AACS: variants seen among roughly 807,000 people sequenced by gnomAD.
AACS encodes acetoacetate-CoA ligase.
AACS carries 69 observed loss-of-function variants against 83.1 expected under a neutral mutation model. The observed-to-expected ratio is 0.83, with a 90% CI of 0.68 to 1.01. The LOEUF (loss-of-function observed/expected upper bound fraction) is 1.01, where lower values mean the gene tolerates loss of function less well. AACS is among the 50% of genes least tolerant of loss of function. The pLI is 0.00. For missense variants in AACS, 866 were observed against 882.2 expected (o/e 0.98, Z 0.23); for synonymous variants, 333 against 343.4 (o/e 0.97, Z 0.33).
chr12:125,136,639 T>A (rs1957404575), intron 16 of AACS, 23 bp from the exon 17 acceptor site: 1 of 1,609,284 alleles, frequency 6.2e-7, no homozygotes, highest in East Asian at 2.2e-5. Flanking sequence ...TGCGTGAATG[T>A]GCACCCTCTC....
intron 3 of AACS, 151 bp downstream of exon 3, chr12:125,076,762 C>G: frequency 7.7e-7 from 1 of 1,300,818 alleles, no homozygotes; most frequent in Non-Finnish European, 1.0e-6. Flanking sequence ...TTTATTTTTG[C>G]TGGGGAGGGG....
At chr12:125,079,759 G>A (rs773451992) in intron 3 of AACS, among the ~76,000 whole-genome samples, 1 of 152,010 alleles carries the variant, frequency 6.6e-6, no homozygotes, top group Non-Finnish European at 1.5e-5. Context: ...GCAGCTCAGT[G>A]GTTTTTAGCA....
chr12:125,067,071 C>T (rs1955721356), intron 1 of AACS, among the ~76,000 whole-genome samples: 1 of 152,230 alleles, frequency 6.6e-6, no homozygotes, highest in Non-Finnish European at 1.5e-5. Flanking sequence ...TACTTTGTCA[C>T]TCCTTGGCTC....
intron 3 of AACS, among the ~76,000 whole-genome samples, chr12:125,081,032 A>G (rs1290771998): frequency 7.5e-6 from 1 of 133,794 alleles, no homozygotes; most frequent in Admixed American, 7.3e-5. Flanking sequence ...TCGTTCTGTC[A>G]CCCAGGCTGG....
chr12:125,085,458 C>A (rs1956315346), intron 3 of AACS, among the ~76,000 whole-genome samples: 1 of 152,208 alleles, frequency 6.6e-6, no homozygotes. Context: ...GTGCACGTTG[C>A]ATCCACGTGT....
chr12:125,118,603 T>C, intron 9 of AACS, 38 bp from the exon 10 acceptor site: 1 of 1,611,840 alleles, frequency 6.2e-7, no homozygotes. Flanking sequence ...GGGAGCTGCC[T>C]AGCGCCCGCT....
intron 4 of AACS, among the ~76,000 whole-genome samples, chr12:125,088,163 G>T (rs921592369): frequency 2.0e-5 from 3 of 151,872 alleles, no homozygotes; most frequent in African/African-American, 4.8e-5. Flanking sequence ...GCACCTAGCA[G>T]CATCTAAGAA....
intron 10 of AACS, chr12:125,124,504 G>A: frequency 3.3e-6 from 2 of 610,386 alleles, no homozygotes; most frequent in Non-Finnish European, 5.8e-6. Context: ...TGAAATCAGT[G>A]TAAAGAGCAG....
Position 125,140,183 on chromosome 12 carries a change from A to G in AACS, c.1882-1909A>G, listed in dbSNP as rs1224428647. The G allele has an allele frequency of 4.0e-5, 6 of 151,448 alleles. No homozygotes were observed. 9.4% of individuals were successfully genotyped at this position (151,448 alleles called of 1,614,324 possible). A position where few individuals can be genotyped will look rare whatever the true frequency, so the allele number is the denominator to read the frequency against. On this transcript the variant is annotated intron_variant, in intron 17 of 17. Coordinates refer to ENST00000316519, the MANE Select transcript of AACS (RefSeq NM_023928.5). This position sits in a 1 kb window ranked among gnomAD's most constrained non-coding sequence, Gnocchi z 5.1. ...AGTCCAGCGGGCCTTTGCTCGGGTC[A>G]TGGCTGGGATGTCTGGCCCTTCCTG... is the stretch of plus-strand genomic sequence containing the variant.
chr12:125,095,996 ACT>A (rs1231578688), intron 5 of AACS, among the ~76,000 whole-genome samples: 2 of 151,900 alleles, frequency 1.3e-5, no homozygotes, highest in African/African-American at 4.8e-5. Context: ...ACGGAGTCTC[ACT>A]CTGTCTCCCA....
At chr12:125,124,393 G>T in intron 10 of AACS, 1 of 315,602 alleles carries the variant, frequency 3.2e-6, no homozygotes. Flanking sequence ...GCCTCCTTTG[G>T]TCCCCCAAGA....
chr12:125,142,310 A>G lies in AACS; in HGVS notation c.*81A>G. The G allele has an allele frequency of 3.8e-6, 6 of 1,559,142 alleles. No individual in the cohort carries two copies. In the Admixed American group the frequency reaches 1.1e-4, roughly 29 times the overall value. On this transcript the variant is annotated 3_prime_UTR_variant, in exon 18 of 18. Transcript: ENST00000316519. ...TGCTCAAGAAATTATACAGAAACCTACAGCTGTTGTAAAAGGATGCTCGCA... is the reference window on the plus strand; with the variant it reads ...TGCTCAAGAAATTATACAGAAACCTGCAGCTGTTGTAAAAGGATGCTCGCA...
chr12:125,097,203 A>G lies in AACS; in HGVS notation c.571-5476A>G, dbSNP rs192464498. On this transcript the variant is annotated intron_variant, in intron 5 of 17. Transcript: ENST00000316519. This position sits in a 1 kb window ranked among gnomAD's most constrained non-coding sequence, Gnocchi z 4.3. ...GGGGCACCATTTTGGGGCTTTCTGC[A>G]ACCACCTCTGTGTAGCAGTTTAGAG... Among the ~76,000 whole-genome samples, 320 of 152,156 alleles carry G rather than the reference A, an allele frequency of 2.1e-3. 2 individuals carry two copies. The highest frequency in any genetic ancestry group is 6.9e-3 in the African/African-American group (288 of 41,528).
chr12:125,084,209 C>G (rs1286771776), intron 3 of AACS, among the ~76,000 whole-genome samples: 1 of 151,596 alleles, frequency 6.6e-6, no homozygotes, highest in African/African-American at 2.4e-5. Context: ...TCCCAGCTAA[C>G]TGGGAGGCTG....
chr12:125,108,570 C>T (rs546571076), intron 8 of AACS, among the ~76,000 whole-genome samples: 5 of 152,210 alleles, frequency 3.3e-5, no homozygotes, highest in Non-Finnish European at 7.4e-5. Flanking sequence ...CTTATTTCAC[C>T]GAAAGTCTAA....
At chr12:125,128,662 C>G (rs985927441) in intron 13 of AACS, 5 of 167,058 alleles carry the variant, frequency 3.0e-5, no homozygotes, top group Non-Finnish European at 6.4e-5. Context: ...AGAAATCCAG[C>G]TGTGCTAGGA....
At chr12:125,138,467 A>C (rs1407880585) in intron 17 of AACS, 1 of 152,206 alleles carries the variant, frequency 6.6e-6, no homozygotes, top group African/African-American at 2.4e-5. Flanking sequence ...TCAGTGAATC[A>C]GTGCTGTCTT....
intron 9 of AACS, among the ~76,000 whole-genome samples, chr12:125,116,769 G>A (rs563919741): frequency 4.1e-4 from 63 of 151,866 alleles, no homozygotes; most frequent in Admixed American, 2.0e-3. Context: ...CCGGCCTCCC[G>A]ACCTGGGTTC....
chr12:125,066,491 C>G (rs1955701425), intron 1 of AACS, among the ~76,000 whole-genome samples: 1 of 147,530 alleles, frequency 6.8e-6, no homozygotes, highest in Non-Finnish European at 1.5e-5. Flanking sequence ...CTCTCGTTGC[C>G]CAGGCTGGAG....
Sources: allele counts gnomAD v4.1 joint callset (sites outside exome capture counted in the v4.1 genomes callset), GRCh38; gene constraint gnomAD v4.1.1; non-coding constraint Gnocchi (gnomAD v3.1); transcripts MANE v1.5; gene names NCBI Gene and HGNC (gene_info 2026-07-23, HGNC 2026-07-21).